ZNF469: variants seen among roughly 807,000 people sequenced by gnomAD.
ZNF469 encodes zinc finger protein 469.
Under a neutral mutation model 1.0 loss-of-function variants are expected in ZNF469, and 1 was observed. The ratio of observed to expected loss-of-function variants is 1.00; its 90% CI spans 0.35 to 4.73. ZNF469 has a LOEUF of 4.73. ZNF469 is among the 30% of genes most tolerant of loss of function. The pLI is 0.16. For synonymous variants in ZNF469, 2,703 were observed against 2,363.4 expected (o/e 1.14, Z -4.17); for missense variants, 6,100 against 5,356.3 (o/e 1.14, Z -4.33).
intron 1 of ZNF469, among the ~76,000 whole-genome samples, chr16:88,385,203 C>G (rs905324996): frequency 2.6e-5 from 4 of 152,110 alleles, no homozygotes; most frequent in Non-Finnish European, 5.9e-5. Context: ...GGCCTGGAAG[C>G]AGAGATGCCC....
chr16:88,202,708 G>C, the ZNF469 span, among the ~76,000 whole-genome samples: 3 of 152,184 alleles, frequency 2.0e-5, no homozygotes, highest in Non-Finnish European at 2.9e-5. Flanking sequence ...TGGTGGGGGC[G>C]CCTCACTCCT....
chr16:88,364,276 TG>T, the ZNF469 span, among the ~76,000 whole-genome samples: 1 of 152,204 alleles, frequency 6.6e-6, no homozygotes, highest in Non-Finnish European at 1.5e-5. Flanking sequence ...TGACTGCATA[TG>T]TACAGATTTA....
At chr16:88,145,315 C>T in the ZNF469 span, among the ~76,000 whole-genome samples, 1 of 152,170 alleles carries the variant, frequency 6.6e-6, no homozygotes, top group African/African-American at 2.4e-5. Flanking sequence ...ATGCATGCCA[C>T]CTGGGGCTGG....
At position 88,434,552 on chromosome 16, in the gene ZNF469, A is replaced by G; in HGVS notation, c.7082A>G (p.Asp2361Gly). Residue 2361 changes from aspartate (D) to glycine (G), a missense_variant, in exon 3 of 3, where the codon GAC (aspartate) becomes GGC (glycine). Physicochemically the swap from Asp to Gly is moderately conservative, Grantham distance 94. Coordinates refer to ENST00000565624, the MANE Select transcript of ZNF469 (RefSeq NM_001367624.2). ...CCCACGCTACAGGGTGCAGGGCCGG[A>G]CTCCCCCGCCTGCCTGGAAGGTGAG... Reference protein sequence around the residue: ...EPPTLQGAGPDSPACLEGEMG... With the variant: ...EPPTLQGAGPGSPACLEGEMG... 6.5e-7 allele frequency: 1 copy of G among 1,549,948 alleles called. No homozygotes were observed. The highest frequency in any genetic ancestry group is 8.7e-7 in the Non-Finnish European group (1 of 1,146,848).
At chr16:88,182,958 A>G in the ZNF469 span, among the ~76,000 whole-genome samples, 1 of 152,232 alleles carries the variant, frequency 6.6e-6, no homozygotes, top group Non-Finnish European at 1.5e-5. Flanking sequence ...GAGACAAACC[A>G]CAGACTAGAA....
rs1417154279 is a variant in ZNF469, at chr16:88,439,364, G to C, written c.*32G>C. ...GGAGCAAGAGCCTGGGACCGGAGCT[G>C]GGCGTTCCTGTCTCGGCCTGCCTCC... is the stretch of plus-strand genomic sequence containing the variant. On this transcript the variant is annotated 3_prime_UTR_variant, in exon 3 of 3. Transcript: ENST00000565624. 3 of 1,549,226 alleles carry C rather than the reference G, an allele frequency of 1.9e-6. No individual in the cohort carries two copies. The highest frequency in any genetic ancestry group is 2.7e-5 in the African/African-American group (2 of 73,054).
At chr16:88,208,030 C>T in the ZNF469 span, among the ~76,000 whole-genome samples, 3 of 152,194 alleles carry the variant, frequency 2.0e-5, no homozygotes, top group East Asian at 1.9e-4. Context: ...AATTTCATGA[C>T]GACTGAAGAG....
the ZNF469 span, among the ~76,000 whole-genome samples, chr16:88,227,005 C>G: frequency 1.9e-3 from 279 of 149,582 alleles, 4 homozygotes; most frequent in African/African-American, 6.4e-3. Flanking sequence ...CCACCCGTGC[C>G]TCCTCCGCGC....
chr16:88,228,478 CG>C, the ZNF469 span, among the ~76,000 whole-genome samples: 1 of 152,200 alleles, frequency 6.6e-6, no homozygotes, highest in African/African-American at 2.4e-5. Context: ...GGAGAGGGCA[CG>C]GCAATGGTGG....
the ZNF469 span, among the ~76,000 whole-genome samples, chr16:88,376,086 C>T: frequency 3.3e-5 from 5 of 152,362 alleles, no homozygotes; most frequent in South Asian, 2.1e-4. Flanking sequence ...GCGGGCGGCA[C>T]GCAGGCCCAG....
the ZNF469 span, among the ~76,000 whole-genome samples, chr16:88,307,283 C>G: frequency 6.6e-6 from 1 of 152,204 alleles, no homozygotes; most frequent in African/African-American, 2.4e-5. Context: ...CACTTTTTGG[C>G]TATTGTGAAT....
chr16:88,362,856 C>G, the ZNF469 span, among the ~76,000 whole-genome samples: 1 of 152,128 alleles, frequency 6.6e-6, no homozygotes, highest in Non-Finnish European at 1.5e-5. Context: ...ACATAGCAGA[C>G]CTTTTGATAT....
At chr16:88,278,800 G>A in the ZNF469 span, among the ~76,000 whole-genome samples, 991 of 114,288 alleles carry the variant, frequency 8.7e-3, 88 homozygotes, top group African/African-American at 0.028. Context: ...ATTAATGCAC[G>A]GTTAGTGCTG....
chr16:88,368,102 G>A, the ZNF469 span, among the ~76,000 whole-genome samples: 11 of 152,336 alleles, frequency 7.2e-5, no homozygotes, highest in East Asian at 3.9e-4. Flanking sequence ...GAACAATCCC[G>A]CGCTTATATC....
the ZNF469 span, among the ~76,000 whole-genome samples, chr16:88,218,612 G>A: frequency 1.4e-3 from 219 of 151,332 alleles, no homozygotes; most frequent in African/African-American, 5.0e-3. Context: ...TTGATGGGAC[G>A]TATTTCAAAA....
At chr16:88,247,782 GGAGTGAGTAAATGAGTGAAT>G in the ZNF469 span, among the ~76,000 whole-genome samples, 2 of 149,146 alleles carry the variant, frequency 1.3e-5, no homozygotes, top group African/African-American at 2.5e-5. Context: ...AGTGAATGAG[GGAGTGAGTAAATGAGTGAAT>G]GAGTGAGTGA....
At chr16:88,267,747 A>G in the ZNF469 span, among the ~76,000 whole-genome samples, 5,328 of 143,532 alleles carry the variant, frequency 0.037, 385 homozygotes, top group African/African-American at 0.15. Flanking sequence ...AGGAGGCTGT[A>G]CTGGGGGCAG....
intron 1 of ZNF469, among the ~76,000 whole-genome samples, chr16:88,402,859 G>A (rs544325193): frequency 2.0e-4 from 31 of 152,162 alleles, no homozygotes; most frequent in Non-Finnish European, 3.1e-4. Context: ...CTGGGGCAGC[G>A]GTTGGCCCAG....
At chr16:88,321,816 C>G in the ZNF469 span, among the ~76,000 whole-genome samples, 3 of 152,248 alleles carry the variant, frequency 2.0e-5, no homozygotes, top group Non-Finnish European at 4.4e-5. Flanking sequence ...TTAGATGCAG[C>G]CACCGCCATC....
Sources: allele counts gnomAD v4.1 joint callset (sites outside exome capture counted in the v4.1 genomes callset), GRCh38; gene constraint gnomAD v4.1.1; transcripts MANE v1.5; gene names NCBI Gene and HGNC (gene_info 2026-07-23, HGNC 2026-07-21).